ARHGEF5: variants seen among roughly 807,000 people sequenced by gnomAD.
ARHGEF5 encodes the protein Rho guanine nucleotide exchange factor (GEF) 5.
ARHGEF5 carries 11 observed loss-of-function variants against 104.0 expected under a neutral mutation model. That is an observed-to-expected ratio of 0.11 (90% CI 0.07 to 0.18). The LOEUF is 0.18. Ranked by LOEUF, ARHGEF5 falls within the 10% of genes least tolerant of loss-of-function variation. The pLI, the probability that ARHGEF5 is intolerant of heterozygous loss-of-function variation, is 1.00. For synonymous variants in ARHGEF5, 60 were observed against 512.2 expected (o/e 0.12, Z 11.92); for missense variants, 165 against 1,335.4 (o/e 0.12, Z 13.66).
intron 14 of ARHGEF5, among the ~76,000 whole-genome samples, chr7:144,379,284 A>G (rs1447633447): frequency 1.3e-5 from 2 of 152,110 alleles, no homozygotes; most frequent in Admixed American, 6.5e-5. Context: ...CAGTGGCGCA[A>G]TCTTGGCTCA....
chr7:144,358,104 C>T (rs2053611635), intron 1 of ARHGEF5, among the ~76,000 whole-genome samples: 1 of 32,652 alleles, frequency 3.1e-5, no homozygotes. Context: ...GTATAGGGAA[C>T]GTGGGGTATG....
chr7:144,359,658 T>A, intron 1 of ARHGEF5, among the ~76,000 whole-genome samples: 1 of 78,602 alleles, frequency 1.3e-5, no homozygotes, highest in East Asian at 4.6e-4. Context: ...AGAAGTGAGC[T>A]AAAGACACTG....
At chr7:144,378,633 G>A (rs1324590710) in intron 13 of ARHGEF5, 129 bp from the exon 14 acceptor site, 1 of 701,322 alleles carries the variant, frequency 1.4e-6, no homozygotes. Flanking sequence ...TTCCTCTTTT[G>A]TCTGTGACTT....
chr7:144,360,941 C>A (rs2053633287), intron 1 of ARHGEF5, among the ~76,000 whole-genome samples: 3 of 146,028 alleles, frequency 2.1e-5, no homozygotes, highest in African/African-American at 7.6e-5. Flanking sequence ...GTTAAAAGAT[C>A]AGGGGAGGCC....
At chr7:144,378,216 A>G (rs1375920331) in intron 13 of ARHGEF5, among the ~76,000 whole-genome samples, 2 of 152,218 alleles carry the variant, frequency 1.3e-5, no homozygotes, top group East Asian at 3.8e-4. Context: ...CATCTTGATC[A>G]CTGATAGATG....
At chr7:144,360,824 CA>C (rs2053632210) in intron 1 of ARHGEF5, among the ~76,000 whole-genome samples, 1 of 140,950 alleles carries the variant, frequency 7.1e-6, no homozygotes. Flanking sequence ...GAGGGTAACT[CA>C]AAATACACAC....
At position 144,378,878 on chromosome 7, in the gene ARHGEF5, C is replaced by T; in HGVS notation, c.4636+12C>T. ...GCAGAGCAGTGACGGTAAGCGGGAG[C>T]ATGCGTGAGCAGCAGGCCAGGCACT... On this transcript the variant is annotated intron_variant, in intron 14 of 14. Coordinates refer to ENST00000056217, the MANE Select transcript of ARHGEF5 (RefSeq NM_005435.4). The T allele has an allele frequency of 6.2e-7, 1 of 1,611,148 alleles. No homozygotes were observed. The highest frequency in any genetic ancestry group is 8.5e-7 in the Non-Finnish European group (1 of 1,177,468).
intron 1 of ARHGEF5, among the ~76,000 whole-genome samples, chr7:144,358,758 AGTGTGTGTGTGTGTGTGTGTGT>A (rs71222348): frequency 2.2e-5 from 2 of 90,894 alleles, no homozygotes; most frequent in Admixed American, 1.3e-4. Context: ...AGGATGGCTC[AGTGTGTGTGTGTGTGTGTGTGT>A]GTGTGTGTGT....
At chr7:144,370,756 G>A (rs1472521988) in intron 5 of ARHGEF5, among the ~76,000 whole-genome samples, 7 of 145,480 alleles carry the variant, frequency 4.8e-5, no homozygotes, top group African/African-American at 1.8e-4. Flanking sequence ...GTGAGCCACT[G>A]CACCCAGTCT....
intron 1 of ARHGEF5, among the ~76,000 whole-genome samples, chr7:144,361,981 AGCT>A (rs1456362296): frequency 9.7e-6 from 1 of 102,730 alleles, no homozygotes; most frequent in Non-Finnish European, 2.2e-5. Flanking sequence ...ACTTTACAAC[AGCT>A]GCCTCTAGAA....
chr7:144,379,778 A>G lies in ARHGEF5; in HGVS notation c.4637-121A>G. 6.7e-6 allele frequency: 9 copies of G among 1,344,048 alleles called. No homozygotes were observed. In the South Asian group the frequency reaches 1.1e-4, roughly 16 times the overall value. 83.3% of individuals were successfully genotyped at this position (1,344,048 alleles called of 1,614,324 possible). A position where few individuals can be genotyped will look rare whatever the true frequency, so the allele number is the denominator to read the frequency against. ...GTTAGGACACTTGGAGGCTGGGTTTATGCTGGAGGCTCCCCAGTTCACTCA... is the reference window on the plus strand; with the variant it reads ...GTTAGGACACTTGGAGGCTGGGTTTGTGCTGGAGGCTCCCCAGTTCACTCA... On this transcript the variant is annotated intron_variant, in intron 14 of 14. Coordinates refer to ENST00000056217, the MANE Select transcript of ARHGEF5 (RefSeq NM_005435.4).
At position 144,373,295 on chromosome 7, in the gene ARHGEF5, C is replaced by T; in HGVS notation, c.4140+11C>T. 1 of 1,316,568 alleles carries T rather than the reference C, an allele frequency of 7.6e-7. No individual in the cohort carries two copies. Among genetic ancestry groups the T allele is most frequent in the Non-Finnish European group, 1.1e-6 (1 of 945,590 alleles). 81.6% of individuals were successfully genotyped at this position (1,316,568 alleles called of 1,614,324 possible). A position where few individuals can be genotyped will look rare whatever the true frequency, so the allele number is the denominator to read the frequency against. On this transcript the variant is annotated intron_variant, in intron 10 of 14. Transcript: ENST00000056217. ...GAGTTTGAGTGCAAAGTGAGTCGGT[C>T]CCATGCACCCCATCCCTGCCCATGA...
In ARHGEF5 at chr7:144,373,201, CG is replaced by C. The variant is rs1563119209; in HGVS notation, c.4060del (p.Asp1354ThrfsTer15). ...TCACTCTCTGCACCCCTAGCTGATC[CG>C]GGACTGCAATAACAATGTCCAGAGT... ...KAHHALEQLI[R>X]DCNNNVQSMR... On this transcript the variant is annotated frameshift_variant, in exon 10 of 15. Transcript: ENST00000056217. LOFTEE classifies it high-confidence loss of function. 1.4e-6 allele frequency: 2 copies of C among 1,435,156 alleles called. No individual in the cohort carries two copies. Among genetic ancestry groups the C allele is most frequent in the South Asian group, 2.5e-5 (2 of 80,608 alleles). The allele number at this position is 1,435,156 out of a possible 1,614,324, so 88.9% of individuals were successfully genotyped here. A position where few individuals can be genotyped will look rare whatever the true frequency, so the allele number is the denominator to read the frequency against.
chr7:144,374,268 ACCC>A (rs1263748122), intron 10 of ARHGEF5, among the ~76,000 whole-genome samples: 1 of 103,190 alleles, frequency 9.7e-6, no homozygotes, highest in East Asian at 2.2e-4. Flanking sequence ...AGTTCTTCTC[ACCC>A]CCATGTTTGA....
chr7:144,363,280 T>C lies in ARHGEF5; in HGVS notation c.611T>C (p.Ile204Thr). 6.3e-7 allele frequency: 1 copy of C among 1,592,918 alleles called. No homozygotes were observed. The highest frequency in any genetic ancestry group is 2.2e-5 in the East Asian group (1 of 44,886). ...NQNEGSESGT[I>T]RQGEELPPEE... Reference sequence around the variant, plus strand: ...AATGAAGGCTCTGAAAGTGGGACTATCAGGCAGGGGGAAGAGCTGCCACCT... The same window carrying C: ...AATGAAGGCTCTGAAAGTGGGACTACCAGGCAGGGGGAAGAGCTGCCACCT... Residue 204 changes from isoleucine to threonine, a missense_variant, in exon 2 of 15, where the codon ATC (isoleucine) becomes ACC (threonine). Coordinates refer to ENST00000056217, the MANE Select transcript of ARHGEF5 (RefSeq NM_005435.4).
rs759499890 is a variant in ARHGEF5 at position 144,378,759 on chromosome 7, A to T, written c.4532-3A>T. Reference sequence around the variant, plus strand: ...CCTCTCTTCACACTCTTCTCTTCCAAAGACTCCCCCCAGGTACAGTGCCTT... The same window carrying T: ...CCTCTCTTCACACTCTTCTCTTCCATAGACTCCCCCCAGGTACAGTGCCTT... On this transcript the variant is annotated splice_polypyrimidine_tract_variant and splice_region_variant and intron_variant, in intron 13 of 14. Transcript: ENST00000056217. 2 of 1,613,322 alleles carry T rather than the reference A, an allele frequency of 1.2e-6. No homozygotes were observed. Among genetic ancestry groups the T allele is most frequent in the Admixed American group, 3.3e-5 (2 of 59,986 alleles).
At chr7:144,358,050 C>T (rs1335443364) in intron 1 of ARHGEF5, among the ~76,000 whole-genome samples, 1 of 75,116 alleles carries the variant, frequency 1.3e-5, no homozygotes, top group Non-Finnish European at 2.7e-5. Flanking sequence ...CACATTTTAG[C>T]TTTGTCATGC....
intron 13 of ARHGEF5, among the ~76,000 whole-genome samples, chr7:144,377,514 G>C (rs2053769570): frequency 2.0e-5 from 3 of 152,088 alleles, no homozygotes; most frequent in African/African-American, 7.2e-5. Context: ...TGGGGTAGGG[G>C]AAGAAAGCCT....
chr7:144,379,896 C>G lies in ARHGEF5; in HGVS notation c.4637-3C>G. ...ATTCTTCCCACTCACCCTGTGCCCACAGGCTGGCTGGAGGGCGTGAGGCTC... is the reference window on the plus strand; with the variant it reads ...ATTCTTCCCACTCACCCTGTGCCCAGAGGCTGGCTGGAGGGCGTGAGGCTC... On this transcript the variant is annotated splice_region_variant and splice_polypyrimidine_tract_variant and intron_variant, in intron 14 of 14. Transcript: ENST00000056217. 8 of 1,614,160 alleles carry G rather than the reference C, an allele frequency of 5.0e-6. No individual in the cohort carries two copies. The highest frequency in any genetic ancestry group is 6.8e-6 in the Non-Finnish European group (8 of 1,180,012).
Sources: allele counts gnomAD v4.1 joint callset (sites outside exome capture counted in the v4.1 genomes callset), GRCh38; gene constraint gnomAD v4.1.1; transcripts MANE v1.5; gene names NCBI Gene and HGNC (gene_info 2026-07-23, HGNC 2026-07-21).